TEX2: variants seen among roughly 807,000 people sequenced by gnomAD.
TEX2 encodes testis-expressed protein 2.
A neutral mutation model predicts 106.9 loss-of-function variants in TEX2; 53 were observed. The observed-to-expected ratio is 0.50, with a 90% CI of 0.40 to 0.62. The LOEUF (loss-of-function observed/expected upper bound fraction) is 0.62, where lower values mean the gene tolerates loss of function less well. TEX2 is among the 20% of genes least tolerant of loss of function. The pLI, the probability that TEX2 is intolerant of heterozygous loss-of-function variation, is 0.00. For synonymous variants in TEX2, 523 were observed against 534.8 expected (o/e 0.98, Z 0.30); for missense variants, 1,207 against 1,379.0 (o/e 0.88, Z 1.98).
intron 6 of TEX2, among the ~76,000 whole-genome samples, chr17:64,176,136 C>T (rs1179715869): frequency 6.6e-6 from 1 of 152,198 alleles, no homozygotes; most frequent in South Asian, 2.1e-4. Flanking sequence ...AGAGCCCTCC[C>T]CCAAAATCTG....
chr17:64,185,853 C>T lies in TEX2; in HGVS notation c.2424+2315G>A, dbSNP rs948248316. ...AGAAGAATTGCTTGAACCTGGGAGGCGGAGATGGCAGTGAGCCAAGATCAC... is the reference window on the plus strand; with the variant it reads ...AGAAGAATTGCTTGAACCTGGGAGGTGGAGATGGCAGTGAGCCAAGATCAC... On this transcript the variant is annotated intron_variant, in intron 5 of 11. Coordinates refer to ENST00000584379, the MANE Select transcript of TEX2 (RefSeq NM_001288732.2). The surrounding 1 kb of genome is among the most constrained non-coding windows in gnomAD (Gnocchi z 4.0). Among the ~76,000 whole-genome samples, 6 of 151,852 alleles carry T rather than the reference C, an allele frequency of 4.0e-5. No individual in the cohort carries two copies. The highest frequency in any genetic ancestry group is 1.5e-4 in the African/African-American group (6 of 41,302).
At chr17:64,222,554 A>G (rs1209133161) in intron 1 of TEX2, among the ~76,000 whole-genome samples, 1 of 151,580 alleles carries the variant, frequency 6.6e-6, no homozygotes, top group African/African-American at 2.4e-5. Flanking sequence ...TTGGAGGTCA[A>G]GATGGGAGGA....
intron 5 of TEX2, 100 bp downstream of exon 5, chr17:64,188,068 G>T: frequency 7.2e-7 from 1 of 1,394,494 alleles, no homozygotes; most frequent in Non-Finnish European, 9.8e-7. Flanking sequence ...GTGTACCACT[G>T]TTATCCCAGT....
At chr17:64,162,326 G>A (rs2143667369) in intron 7 of TEX2, among the ~76,000 whole-genome samples, 1 of 152,188 alleles carries the variant, frequency 6.6e-6, no homozygotes, top group Non-Finnish European at 1.5e-5. Context: ...AGAGCAAAAG[G>A]CTAATATTAA....
intron 2 of TEX2, among the ~76,000 whole-genome samples, chr17:64,199,059 G>T (rs1321828933): frequency 1.3e-5 from 2 of 152,156 alleles, no homozygotes; most frequent in Non-Finnish European, 2.9e-5. Flanking sequence ...GGATTGTACA[G>T]GTTAATTATC....
intron 8 of TEX2, among the ~76,000 whole-genome samples, chr17:64,157,606 C>G (rs2030692220): frequency 6.6e-6 from 1 of 152,202 alleles, no homozygotes; most frequent in East Asian, 1.9e-4. Context: ...AATTAAGAAG[C>G]CCTGTGAGAT....
At chr17:64,181,470 C>CT (rs200824640) in intron 5 of TEX2, among the ~76,000 whole-genome samples, 1 of 60,736 alleles carries the variant, frequency 1.6e-5, no homozygotes, top group African/African-American at 6.5e-5. Context: ...GCAAGGCTAT[C>CT]TCAAAAAAAA....
intron 5 of TEX2, among the ~76,000 whole-genome samples, chr17:64,186,173 C>T (rs969036490): frequency 3.3e-5 from 5 of 152,316 alleles, no homozygotes; most frequent in South Asian, 4.1e-4. Flanking sequence ...ATTTTCTTAA[C>T]GTCAGTGCAC....
intron 2 of TEX2, among the ~76,000 whole-genome samples, chr17:64,209,461 C>T (rs2032932704): frequency 6.6e-6 from 1 of 152,082 alleles, no homozygotes; most frequent in Non-Finnish European, 1.5e-5. Flanking sequence ...CAAGTTAAGG[C>T]TAAGAATGAA....
chr17:64,166,044 G>A (rs532663113), intron 7 of TEX2, among the ~76,000 whole-genome samples: 1 of 152,164 alleles, frequency 6.6e-6, no homozygotes, highest in Non-Finnish European at 1.5e-5. Context: ...GTTGTGGTCT[G>A]CATCCTTGGA....
intron 2 of TEX2, among the ~76,000 whole-genome samples, chr17:64,210,676 G>A (rs571290486): frequency 4.4e-5 from 5 of 114,750 alleles, no homozygotes; most frequent in African/African-American, 7.0e-5. Context: ...GGGACATCAC[G>A]CTGCCATTTT....
chr17:64,200,272 T>A (rs1383461922), intron 2 of TEX2, among the ~76,000 whole-genome samples: 2 of 152,218 alleles, frequency 1.3e-5, no homozygotes, highest in Non-Finnish European at 2.9e-5. Context: ...CACCAGCTCA[T>A]CTGTTCACAG....
At chr17:64,188,079 GC>G in intron 5 of TEX2, 88 bp downstream of exon 5, 2 of 1,459,636 alleles carry the variant, frequency 1.4e-6, no homozygotes, top group Admixed American at 3.7e-5. Flanking sequence ...TTATCCCAGT[GC>G]CCACAACAGG....
chr17:64,233,772 G>C (rs1036428679), intron 1 of TEX2, among the ~76,000 whole-genome samples: 1 of 152,142 alleles, frequency 6.6e-6, no homozygotes, highest in Admixed American at 6.5e-5. Context: ...CATCAAAGAA[G>C]GGCAAGTCTC....
At chr17:64,228,837 A>G (rs2033582097) in intron 1 of TEX2, among the ~76,000 whole-genome samples, 1 of 152,056 alleles carries the variant, frequency 6.6e-6, no homozygotes, top group Admixed American at 6.5e-5. Flanking sequence ...TTACTTTTAA[A>G]TGAGATCATA....
chr17:64,204,941 G>C (rs1555630591), intron 2 of TEX2, among the ~76,000 whole-genome samples: 1 of 152,006 alleles, frequency 6.6e-6, no homozygotes, highest in Non-Finnish European at 1.5e-5. Context: ...GGCACATGGG[G>C]GGTTCATTTT....
intron 1 of TEX2, among the ~76,000 whole-genome samples, chr17:64,235,907 G>T (rs1285661145): frequency 6.6e-6 from 1 of 151,922 alleles, no homozygotes; most frequent in Non-Finnish European, 1.5e-5. Context: ...ACACAAACAA[G>T]CTATATCAGA....
At chr17:64,247,542 G>A (rs2034013041) in intron 1 of TEX2, among the ~76,000 whole-genome samples, 2 of 152,106 alleles carry the variant, frequency 1.3e-5, no homozygotes, top group Admixed American at 6.5e-5. Context: ...AGAATGTCAG[G>A]GCTCCAGAGA....
At chr17:64,232,056 G>A (rs2033669718) in intron 1 of TEX2, among the ~76,000 whole-genome samples, 1 of 152,184 alleles carries the variant, frequency 6.6e-6, no homozygotes. Flanking sequence ...AGTTCAGGCA[G>A]CTGTGACCAT....
Sources: allele counts gnomAD v4.1 joint callset (sites outside exome capture counted in the v4.1 genomes callset), GRCh38; gene constraint gnomAD v4.1.1; non-coding constraint Gnocchi (gnomAD v3.1); transcripts MANE v1.5; gene names NCBI Gene and HGNC (gene_info 2026-07-23, HGNC 2026-07-21).